The following TRAF3IP1 variants were observed in gnomAD, a reference collection of about 807,000 sequenced individuals.
The protein encoded by TRAF3IP1 is intraflagellar transport 54.
Under a neutral mutation model 89.9 loss-of-function variants are expected in TRAF3IP1, and 53 were observed. The ratio of observed to expected loss-of-function variants is 0.59; its 90% CI spans 0.47 to 0.74. The LOEUF (loss-of-function observed/expected upper bound fraction) is 0.74. Ranked by LOEUF, TRAF3IP1 falls within the 30% of genes least tolerant of loss-of-function variation. The pLI, the probability that TRAF3IP1 is intolerant of heterozygous loss-of-function variation, is 0.00. For missense variants in TRAF3IP1, 806 were observed against 866.1 expected (o/e 0.93, Z 0.87); for synonymous variants, 311 against 322.1 (o/e 0.97, Z 0.37).
At position 238,399,386 on chromosome 2, in the gene TRAF3IP1, T is replaced by G. The variant is rs1308445070; in HGVS notation, c.*467T>G. The G allele has an allele frequency of 6.6e-6, 1 of 152,666 alleles. No homozygotes were observed. Among genetic ancestry groups the G allele is most frequent in the African/African-American group, 2.4e-5 (1 of 41,452 alleles). The allele number at this position is 152,666 out of a possible 1,614,324, so 9.5% of individuals were successfully genotyped here. ...AGAATGAGGCCTGAAAATGAATACA[T>G]TATATTTTTAGTTAATTTCCAATGG... On this transcript the variant is annotated 3_prime_UTR_variant, in exon 17 of 17. Coordinates refer to ENST00000373327, the MANE Select transcript of TRAF3IP1 (RefSeq NM_015650.4).
chr2:238,329,088 A>G lies in TRAF3IP1; in HGVS notation c.661A>G (p.Lys221Glu), dbSNP rs1316584692. ...CAGAGAAGGGGAGAGAGAGAGAGCC[A>G]AAGCCCGGGCCAGGCCAGACAACGA... ...RHREGERERA[K>E]ARARPDNERQ... Residue 221 changes from lysine to glutamate, a missense_variant, in exon 5 of 17, where the codon AAA becomes GAA. Coordinates refer to ENST00000373327, the MANE Select transcript of TRAF3IP1 (RefSeq NM_015650.4). 1 of 1,551,502 alleles carries G rather than the reference A, an allele frequency of 6.4e-7. No individual in the cohort carries two copies. The highest frequency in any genetic ancestry group is 1.2e-5 in the South Asian group (1 of 84,058).
chr2:238,329,473 T>G (rs1264321477), intron 5 of TRAF3IP1, 131 bp downstream of exon 5: 2 of 834,710 alleles, frequency 2.4e-6, no homozygotes, highest in Non-Finnish European at 3.3e-6. Flanking sequence ...ATGATGACAA[T>G]CTTGGATTCT....
intron 12 of TRAF3IP1, among the ~76,000 whole-genome samples, chr2:238,350,988 A>G (rs1196498642): frequency 3.9e-5 from 6 of 152,062 alleles, no homozygotes; most frequent in Non-Finnish European, 8.8e-5. Flanking sequence ...GAAGGTCAGG[A>G]GGAGGCATTA....
At chr2:238,384,273 T>C (rs1447025563) in intron 15 of TRAF3IP1, among the ~76,000 whole-genome samples, 1 of 152,154 alleles carries the variant, frequency 6.6e-6, no homozygotes, top group African/African-American at 2.4e-5. Context: ...TCTGATCTTT[T>C]GTTCTGTTTT....
At position 238,352,681 on chromosome 2, in the gene TRAF3IP1, T is replaced by C. The variant is rs1251775159; in HGVS notation, c.1452-146T>C. The stretch of plus-strand genomic sequence containing the variant: ...GACACTGTTTGCAGACAGTCCATCT[T>C]AGCTTCAGCGGGTAGCTTGAGATGC... On this transcript the variant is annotated intron_variant, in intron 12 of 16. Coordinates refer to ENST00000373327, the MANE Select transcript of TRAF3IP1 (RefSeq NM_015650.4). 5.0e-6 allele frequency: 4 copies of C among 807,526 alleles called. No homozygotes were observed. The South Asian group carries it at 5.8e-5, about 12-fold the overall frequency. The allele number at this position is 807,526 out of a possible 1,614,324, so 50.0% of individuals were successfully genotyped here.
Position 238,325,819 on chromosome 2 carries a change from C to A in TRAF3IP1, c.203C>A (p.Ala68Glu). ...MKSDNVKDKDAKISFLQKAID... is the reference protein window; with the variant it reads ...MKSDNVKDKDEKISFLQKAID... ...ATGGAAATGTTTCAGGATAAAGATG[C>A]AAAAATTAGCTTCCTACAAAAGGCC... Residue 68 changes from alanine to glutamate, a missense_variant, in exon 3 of 17, where the codon GCA (alanine) becomes GAA (glutamate). Physicochemically the swap from Ala to Glu is moderately radical, Grantham distance 107. This residue lies in a region of TRAF3IP1 where 732 missense variants were observed against 780.5 expected (regional missense o/e 0.94). Transcript: ENST00000373327. 6.2e-7 allele frequency: 1 copy of A among 1,610,792 alleles called. No individual in the cohort carries two copies. The highest frequency in any genetic ancestry group is 1.1e-5 in the South Asian group (1 of 90,112).
chr2:238,386,725 T>C (rs1410777137), intron 15 of TRAF3IP1, among the ~76,000 whole-genome samples: 1 of 152,198 alleles, frequency 6.6e-6, no homozygotes, highest in Non-Finnish European at 1.5e-5. Context: ...TTTCAGACCA[T>C]TTTAAGGTCC....
At chr2:238,386,416 G>C (rs1447149348) in intron 15 of TRAF3IP1, among the ~76,000 whole-genome samples, 1 of 152,034 alleles carries the variant, frequency 6.6e-6, no homozygotes, top group Non-Finnish European at 1.5e-5. Context: ...AGGTTCAAGC[G>C]ATTCTCCTGC....
intron 15 of TRAF3IP1, among the ~76,000 whole-genome samples, chr2:238,381,015 T>G (rs996312075): frequency 1.3e-5 from 2 of 152,184 alleles, no homozygotes; most frequent in African/African-American, 2.4e-5. Context: ...TTGTTTTGGT[T>G]TCCTGAGGAT....
At chr2:238,353,057 CAGTT>C (rs1699244218) in intron 13 of TRAF3IP1, 107 bp downstream of exon 13, 20 of 1,531,468 alleles carry the variant, frequency 1.3e-5, no homozygotes, top group Non-Finnish European at 1.6e-5. Flanking sequence ...TGTAATTTTT[CAGTT>C]AGTTTTCTAC....
chr2:238,358,320 T>C (rs1699512234), intron 15 of TRAF3IP1, among the ~76,000 whole-genome samples: 1 of 152,146 alleles, frequency 6.6e-6, no homozygotes, highest in African/African-American at 2.4e-5. Context: ...GCGGATTGCT[T>C]GAGGCTATGA....
chr2:238,327,967 A>G (rs1369625270), intron 3 of TRAF3IP1, among the ~76,000 whole-genome samples: 1 of 152,178 alleles, frequency 6.6e-6, no homozygotes, highest in African/African-American at 2.4e-5. Context: ...GATATACCAT[A>G]TTTTGTTTAT....
intron 16 of TRAF3IP1, among the ~76,000 whole-genome samples, chr2:238,398,317 G>T (rs1701331631): frequency 9.5e-6 from 1 of 105,600 alleles, no homozygotes. Flanking sequence ...AGGCCCTGCA[G>T]CAGGAACAGG....
chr2:238,350,788 C>T (rs537453963), intron 12 of TRAF3IP1, among the ~76,000 whole-genome samples: 18 of 152,104 alleles, frequency 1.2e-4, no homozygotes, highest in South Asian at 8.3e-4. Context: ...GATGGTGTGG[C>T]GGGGCCTGTT....
intron 12 of TRAF3IP1, among the ~76,000 whole-genome samples, chr2:238,352,569 A>T (rs1030555623): frequency 6.6e-6 from 1 of 151,204 alleles, no homozygotes; most frequent in African/African-American, 2.4e-5. Flanking sequence ...GTGGACCAGG[A>T]GGCCTGGGCA....
chr2:238,361,190 G>A (rs945709618), intron 15 of TRAF3IP1, among the ~76,000 whole-genome samples: 2 of 151,646 alleles, frequency 1.3e-5, no homozygotes, highest in African/African-American at 4.8e-5. Context: ...GGGACTACAG[G>A]CACACGCTAC....
chr2:238,367,894 G>A (rs1043284138), intron 15 of TRAF3IP1, among the ~76,000 whole-genome samples: 5 of 152,172 alleles, frequency 3.3e-5, no homozygotes, highest in African/African-American at 1.2e-4. Flanking sequence ...AGTGCGGGGT[G>A]GGCGCGTTGA....
intron 15 of TRAF3IP1, among the ~76,000 whole-genome samples, chr2:238,358,679 G>T (rs765567911): frequency 6.6e-6 from 1 of 152,170 alleles, no homozygotes; most frequent in Non-Finnish European, 1.5e-5. Flanking sequence ...TGTCACCCTC[G>T]TGTTGATCTG....
intron 15 of TRAF3IP1, among the ~76,000 whole-genome samples, chr2:238,374,807 G>T (rs1354038734): frequency 1.3e-5 from 2 of 152,106 alleles, no homozygotes; most frequent in African/African-American, 2.4e-5. Flanking sequence ...TAATTTCAGA[G>T]CCTGTTATTG....
Sources: allele counts gnomAD v4.1 joint callset (sites outside exome capture counted in the v4.1 genomes callset), GRCh38; gene constraint gnomAD v4.1.1; regional missense constraint gnomAD v4.1.1; transcripts MANE v1.5; gene names NCBI Gene and HGNC (gene_info 2026-07-23, HGNC 2026-07-21).